Variants in LRRC4C observed in about 807,000 individuals in gnomAD.
LRRC4C encodes leucine-rich repeat-containing protein 4C.
A neutral mutation model predicts 33.6 loss-of-function variants in LRRC4C; 5 were observed. The ratio of observed to expected loss-of-function variants is 0.15; its 90% CI spans 0.08 to 0.31. LRRC4C has a LOEUF of 0.31. LRRC4C is among the 10% of genes least tolerant of loss of function. The pLI, the probability that LRRC4C is intolerant of heterozygous loss-of-function variation, is 1.00. For missense variants in LRRC4C, 560 were observed against 796.7 expected (o/e 0.70, Z 3.58); for synonymous variants, 329 against 302.0 (o/e 1.09, Z -0.93).
At chr11:40,666,537 T>C (rs1271616010) in intron 2 of LRRC4C, among the ~76,000 whole-genome samples, 1 of 152,156 alleles carries the variant, frequency 6.6e-6, no homozygotes, top group Non-Finnish European at 1.5e-5. Flanking sequence ...TGTGGCTATA[T>C]GTTTGCAATG....
chr11:40,551,359 G>C (rs1031836452), intron 3 of LRRC4C, among the ~76,000 whole-genome samples: 2 of 151,770 alleles, frequency 1.3e-5, no homozygotes, highest in African/African-American at 4.8e-5. Context: ...AATTTTTCCT[G>C]TTCCAATATT....
At chr11:40,699,643 G>T (rs1402959102) in intron 2 of LRRC4C, among the ~76,000 whole-genome samples, 1 of 152,034 alleles carries the variant, frequency 6.6e-6, no homozygotes, top group African/African-American at 2.4e-5. Context: ...TATTAAAAAA[G>T]TAACAGCAAC....
chr11:40,999,524 A>C (rs1400862801), intron 1 of LRRC4C, among the ~76,000 whole-genome samples: 1 of 152,196 alleles, frequency 6.6e-6, no homozygotes, highest in Non-Finnish European at 1.5e-5. Flanking sequence ...CTGCAAATTA[A>C]GTGCCTAAAA....
chr11:40,913,064 A>G (rs1464520327), intron 2 of LRRC4C, among the ~76,000 whole-genome samples: 1 of 152,220 alleles, frequency 6.6e-6, no homozygotes, highest in Non-Finnish European at 1.5e-5. Flanking sequence ...TTAGAGACCT[A>G]CAAAGAGACT....
chr11:40,665,325 A>AAT (rs1160594156), intron 2 of LRRC4C, among the ~76,000 whole-genome samples: 171 of 13,410 alleles, frequency 0.013, 1 homozygote, highest in Non-Finnish European at 0.015. Context: ...AAAAAAAAAA[A>AAT]ATATATATAT....
At chr11:41,296,672 T>C (rs1484738715) in intron 1 of LRRC4C, among the ~76,000 whole-genome samples, 1 of 152,098 alleles carries the variant, frequency 6.6e-6, no homozygotes, top group African/African-American at 2.4e-5. Flanking sequence ...ACAACCTCTT[T>C]CACTTTGGGA....
At chr11:40,864,395 T>C (rs913571327) in intron 2 of LRRC4C, among the ~76,000 whole-genome samples, 1 of 152,122 alleles carries the variant, frequency 6.6e-6, no homozygotes, top group Admixed American at 6.6e-5. Flanking sequence ...TACCACAAGA[T>C]GTACTAGTGC....
At chr11:41,193,760 C>T (rs1386659559) in intron 1 of LRRC4C, among the ~76,000 whole-genome samples, 1 of 151,994 alleles carries the variant, frequency 6.6e-6, no homozygotes, top group Non-Finnish European at 1.5e-5. Flanking sequence ...AACAAGTTGA[C>T]ATTAGTCAAT....
intron 3 of LRRC4C, among the ~76,000 whole-genome samples, chr11:40,345,384 A>T (rs1204190461): frequency 6.6e-6 from 1 of 152,146 alleles, no homozygotes; most frequent in Non-Finnish European, 1.5e-5. Context: ...GAAAGCACAG[A>T]AATAATGCCA....
chr11:40,337,445 A>T (rs188113023), intron 3 of LRRC4C, among the ~76,000 whole-genome samples: 1 of 152,310 alleles, frequency 6.6e-6, no homozygotes, highest in East Asian at 1.9e-4. Context: ...TTTGAAAACA[A>T]CACAATGGCA....
intron 3 of LRRC4C, among the ~76,000 whole-genome samples, chr11:40,372,816 C>T (rs1948507650): frequency 2.0e-5 from 3 of 152,268 alleles, no homozygotes; most frequent in African/African-American, 4.8e-5. Flanking sequence ...GACCTTCTGG[C>T]CACATGGTGG....
chr11:41,226,337 A>G (rs1274277751), intron 1 of LRRC4C, among the ~76,000 whole-genome samples: 2 of 152,160 alleles, frequency 1.3e-5, no homozygotes, highest in African/African-American at 2.4e-5. Flanking sequence ...AACATCCCTC[A>G]TGGAGTATTT....
intron 1 of LRRC4C, among the ~76,000 whole-genome samples, chr11:41,448,468 G>C (rs1955912262): frequency 6.6e-6 from 1 of 151,784 alleles, no homozygotes; most frequent in Non-Finnish European, 1.5e-5. Context: ...ACCATGCCTG[G>C]CTAATTTTTG....
chr11:41,334,703 T>C (rs1299572974), intron 1 of LRRC4C, among the ~76,000 whole-genome samples: 1 of 151,946 alleles, frequency 6.6e-6, no homozygotes. Context: ...AAAAAAACAA[T>C]AGTCGGGTGT....
chr11:41,337,582 C>T (rs569274538), intron 1 of LRRC4C, among the ~76,000 whole-genome samples: 2 of 152,156 alleles, frequency 1.3e-5, no homozygotes, highest in East Asian at 3.9e-4. Context: ...ATCATAAAAA[C>T]CTTAGAAGAA....
At chr11:40,319,460 C>T (rs1945735501) in intron 4 of LRRC4C, among the ~76,000 whole-genome samples, 168 bp downstream of exon 4, 1 of 152,138 alleles carries the variant, frequency 6.6e-6, no homozygotes, top group Non-Finnish European at 1.5e-5. Flanking sequence ...GTTTTTGCCG[C>T]ATGCACTGAA....
At chr11:40,157,446 AG>A (rs1157461282) in intron 5 of LRRC4C, among the ~76,000 whole-genome samples, 1 of 152,242 alleles carries the variant, frequency 6.6e-6, no homozygotes, top group African/African-American at 2.4e-5. Flanking sequence ...GTACAGCAAA[AG>A]GAACAGTCAG....
At chr11:40,830,974 C>A (rs2135545370) in intron 2 of LRRC4C, among the ~76,000 whole-genome samples, 1 of 152,202 alleles carries the variant, frequency 6.6e-6, no homozygotes, top group South Asian at 2.1e-4. Context: ...TTGTTGGAAT[C>A]AGTAATTCCA....
intron 3 of LRRC4C, among the ~76,000 whole-genome samples, chr11:40,382,123 ATTTTTTTTTTTTTTT>A (rs77934711): frequency 0.4 from 40,504 of 100,540 alleles, 7,045 homozygotes; most frequent in South Asian, 0.54. Context: ...TGCCCGGCTA[ATTTTTTTTTTTTTTT>A]TTTTTTTTTT....
Sources: gnomAD v4.1 joint callset for allele counts (sites outside exome capture counted in the v4.1 genomes callset) on GRCh38, gnomAD v4.1.1 for gene constraint, MANE v1.5 for transcripts, NCBI Gene and HGNC (gene_info 2026-07-23, HGNC 2026-07-21) for gene names.